The following ATP8B4 variants were observed in gnomAD, a reference collection of about 807,000 sequenced individuals.
The protein encoded by ATP8B4 is ATPase phospholipid transporting 8B4 (putative).
A neutral mutation model predicts 145.6 loss-of-function variants in ATP8B4; 133 were observed. The ratio of observed to expected loss-of-function variants is 0.91; its 90% CI spans 0.79 to 1.05. ATP8B4 has a LOEUF of 1.05. Among genes scored for constraint, ATP8B4 ranks in the 50% least tolerant of loss-of-function variants. ATP8B4 has a pLI of 0.00. For synonymous variants in ATP8B4, 507 were observed against 492.9 expected (o/e 1.03, Z -0.38); for missense variants, 1,458 against 1,425.2 (o/e 1.02, Z -0.37).
At chr15:50,127,614 T>C (rs770260820) in intron 1 of ATP8B4, among the ~76,000 whole-genome samples, 29 of 152,224 alleles carry the variant, frequency 1.9e-4, no homozygotes, top group Non-Finnish European at 3.4e-4. Flanking sequence ...TCTCTGAGGA[T>C]AGCAACCTAG....
intron 12 of ATP8B4, among the ~76,000 whole-genome samples, chr15:49,974,476 A>G (rs945685298): frequency 2.7e-5 from 4 of 147,948 alleles, no homozygotes; most frequent in African/African-American, 7.5e-5. Flanking sequence ...CGATCCTCCC[A>G]CCTCTGCCTC....
In ATP8B4 at chr15:50,160,015, C is replaced by CTTTTTTTTT. The variant is rs35773416; in HGVS notation, c.-43+22237_-43+22245dup. Among the ~76,000 whole-genome samples the CTTTTTTTTT allele has an allele frequency of 5.1e-3, 102 of 20,096 alleles. 17 individuals are homozygous for CTTTTTTTTT. The highest frequency in any genetic ancestry group is 0.022 in the East Asian group (11 of 498). The allele number at this position is 20,096 out of a possible 152,430, so 13.2% of individuals were successfully genotyped here. On this transcript the variant is annotated intron_variant, in intron 1 of 3. Transcript: ENST00000558829. ...GATAAAATTCAGCATCAGGTCCTGG[C>CTTTTTTTTT]TTTTTTTTTTTTTTTTTTTTTTTGC...
At chr15:49,960,408 C>A (rs1482570536) in intron 14 of ATP8B4, among the ~76,000 whole-genome samples, 1 of 152,048 alleles carries the variant, frequency 6.6e-6, no homozygotes, top group Non-Finnish European at 1.5e-5. Flanking sequence ...ACCTAGTACA[C>A]AAGAGTTAGG....
rs1026957083 is a variant in ATP8B4, at chr15:50,126,590, C to G, written c.-42-19582G>C. ...ACCAAACATCTTATGACTATAACTT[C>G]TTTAGCTATTATTTTAAGCTACTAT... is the stretch of plus-strand genomic sequence containing the variant. On this transcript the variant is annotated intron_variant, in intron 1 of 3. Coordinates refer to the ATP8B4 transcript ENST00000558829. Among the ~76,000 whole-genome samples, 6 of 152,322 alleles carry G rather than the reference C, an allele frequency of 3.9e-5. No individual in the cohort carries two copies. The South Asian group carries it at 8.3e-4, about 21-fold the overall frequency.
rs541422067 is a variant in ATP8B4, at chr15:49,869,837, T to G, written c.3028-3353A>C. 3.2e-4 allele frequency among the ~76,000 whole-genome samples: 49 copies of G among 152,318 alleles called. 2 individuals carry two copies. In the South Asian group the frequency reaches 9.7e-3, roughly 30 times the overall value. ...TTTTAATAAAGCTCTTTTTTTAGCTTAAATTTTTAAAGTGTCTGTCATTTG... is the reference window on the plus strand; with the variant it reads ...TTTTAATAAAGCTCTTTTTTTAGCTGAAATTTTTAAAGTGTCTGTCATTTG... On this transcript the variant is annotated intron_variant, in intron 25 of 27. Transcript: ENST00000284509.
intron 20 of ATP8B4, chr15:49,907,939 T>C: frequency 2.5e-6 from 1 of 405,936 alleles, no homozygotes; most frequent in South Asian, 1.8e-5. Flanking sequence ...AAAATAAATC[T>C]GAGGTATGTT....
intron 1 of ATP8B4, among the ~76,000 whole-genome samples, chr15:50,164,117 CTA>C (rs776677951): frequency 1.3e-5 from 2 of 152,166 alleles, no homozygotes; most frequent in African/African-American, 2.4e-5. Flanking sequence ...GCTTGGCGCT[CTA>C]TCCCCACTGT....
At chr15:49,961,278 G>A (rs2044050551) in intron 14 of ATP8B4, among the ~76,000 whole-genome samples, 1 of 152,114 alleles carries the variant, frequency 6.6e-6, no homozygotes, top group Non-Finnish European at 1.5e-5. Context: ...TCTCATCAAA[G>A]ATCATAAACT....
rs749368357 is a variant in ATP8B4 at position 49,987,469 on chromosome 15, G to C, written c.670C>G (p.Leu224Val). ...CTCAGGATTATCTTCTCATTGTTGAGGGAATGCTTGCTGTCTTTCCAAGAA... is the reference window on the plus strand; with the variant it reads ...CTCAGGATTATCTTCTCATTGTTGACGGAATGCTTGCTGTCTTTCCAAGAA... ...ILSWKDSKHS[L>V]NNEKIILRGC... The change falls in exon 10 of 28, where the codon CTC becomes GTC. Residue 224 changes from leucine to valine, a missense_variant. By Grantham distance (32) the Leu-to-Val change is conservative. Coordinates refer to ENST00000284509, the MANE Select transcript of ATP8B4 (RefSeq NM_024837.4). 3.7e-6 allele frequency: 6 copies of C among 1,613,682 alleles called. No individual in the cohort carries two copies. The highest frequency in any genetic ancestry group is 5.1e-6 in the Non-Finnish European group (6 of 1,179,738).
chr15:50,087,377 T>G (rs2055282109), intron 2 of ATP8B4, among the ~76,000 whole-genome samples: 1 of 142,944 alleles, frequency 7.0e-6, no homozygotes, highest in African/African-American at 2.6e-5. Flanking sequence ...AAATAATATA[T>G]AGATATATAT....
At chr15:50,123,783 T>G (rs1405109868), upstream of ATP8B4, among the ~76,000 whole-genome samples, 1 of 152,164 alleles carries the variant, frequency 6.6e-6, no homozygotes, top group East Asian at 1.9e-4. Context: ...ATGAGACCTT[T>G]GAATTCTGAG....
intron 2 of ATP8B4, among the ~76,000 whole-genome samples, chr15:50,083,050 A>G (rs2054658304): frequency 6.6e-6 from 1 of 152,188 alleles, no homozygotes; most frequent in Non-Finnish European, 1.5e-5. Flanking sequence ...CCAAAGGTCA[A>G]AGAGAGGGGG....
chr15:50,049,417 T>C (rs2051996251), intron 3 of ATP8B4, among the ~76,000 whole-genome samples: 1 of 152,242 alleles, frequency 6.6e-6, no homozygotes, highest in Admixed American at 6.5e-5. Context: ...TTTATGATCC[T>C]GTGTTAATTC....
chr15:50,095,753 T>TG (rs575687353), intron 2 of ATP8B4, among the ~76,000 whole-genome samples: 1 of 145,964 alleles, frequency 6.9e-6, no homozygotes, highest in Non-Finnish European at 1.5e-5. Flanking sequence ...ACCCTGTTTC[T>TG]AAAAAAAAAA....
intron 1 of ATP8B4, among the ~76,000 whole-genome samples, chr15:50,126,960 T>A (rs1288520581): frequency 6.6e-6 from 1 of 152,068 alleles, no homozygotes; most frequent in Admixed American, 6.5e-5. Flanking sequence ...CTGTTCTTCA[T>A]TCTAAATTTC....
intron 15 of ATP8B4, 71 bp downstream of exon 15, chr15:49,933,945 CA>C: frequency 7.1e-7 from 1 of 1,414,008 alleles, no homozygotes. Context: ...GTAAATCCTT[CA>C]AATTTAGTGT....
intron 1 of ATP8B4, among the ~76,000 whole-genome samples, chr15:50,133,044 G>C (rs1307768478): frequency 6.6e-6 from 1 of 152,070 alleles, no homozygotes; most frequent in African/African-American, 2.4e-5. Flanking sequence ...ACCACCAATG[G>C]CACATGTATA....
intron 13 of ATP8B4, among the ~76,000 whole-genome samples, chr15:49,963,464 G>A (rs1490202994): frequency 3.9e-5 from 6 of 152,118 alleles, no homozygotes; most frequent in East Asian, 1.9e-4. Context: ...ACACACATAC[G>A]TTCATTGCAA....
At chr15:50,086,702 ATAT>A (rs1345289573) in intron 2 of ATP8B4, among the ~76,000 whole-genome samples, 13 of 96,198 alleles carry the variant, frequency 1.4e-4, no homozygotes, top group Non-Finnish European at 1.6e-4. Flanking sequence ...ATAGAGATCT[ATAT>A]TATTATATAT....
Sources: gnomAD v4.1 joint callset for allele counts (sites outside exome capture counted in the v4.1 genomes callset) on GRCh38, gnomAD v4.1.1 for gene constraint, MANE v1.5 for transcripts, NCBI Gene and HGNC (gene_info 2026-07-23, HGNC 2026-07-21) for gene names.